Variants in DPP6 observed in about 807,000 individuals in gnomAD.
DPP6 encodes the protein dipeptidyl peptidase like 6.
A neutral mutation model predicts 122.6 loss-of-function variants in DPP6; 69 were observed. The ratio of observed to expected loss-of-function variants is 0.56; its 90% CI spans 0.46 to 0.69. The LOEUF (loss-of-function observed/expected upper bound fraction) is 0.69, where lower values mean the gene tolerates loss of function less well. Ranked by LOEUF, DPP6 falls within the 30% of genes least tolerant of loss-of-function variation. The probability of loss-of-function intolerance (pLI) is 0.00; values close to 1 mark genes in which losing one functional copy is unlikely to be tolerated. For synonymous variants in DPP6, 418 were observed against 433.1 expected (o/e 0.97, Z 0.43); for missense variants, 928 against 1,116.9 (o/e 0.83, Z 2.41).
At chr7:154,161,453 T>C (rs371761997) in intron 1 of DPP6, among the ~76,000 whole-genome samples, 3 of 151,780 alleles carry the variant, frequency 2.0e-5, no homozygotes, top group East Asian at 3.9e-4. Context: ...GCCGAGATCA[T>C]ACCATCGCAC....
chr7:154,630,589 A>G (rs1835346191), intron 5 of DPP6, among the ~76,000 whole-genome samples: 1 of 152,212 alleles, frequency 6.6e-6, no homozygotes, highest in Admixed American at 6.5e-5. Flanking sequence ...TTGGCTGCAT[A>G]AATGTCTATG....
chr7:154,020,947 G>A (rs1361329742), intron 1 of DPP6, among the ~76,000 whole-genome samples: 1 of 152,152 alleles, frequency 6.6e-6, no homozygotes, highest in Non-Finnish European at 1.5e-5. Context: ...AGGATACAAT[G>A]TGGAAAGAGC....
At chr7:154,376,240 A>C (rs1813121140) in intron 1 of DPP6, among the ~76,000 whole-genome samples, 1 of 152,222 alleles carries the variant, frequency 6.6e-6, no homozygotes, top group Non-Finnish European at 1.5e-5. Context: ...TAGCACCAAC[A>C]TGTGACCAGC....
chr7:153,950,758 G>A (rs952924831), intron 1 of DPP6, among the ~76,000 whole-genome samples: 3 of 152,178 alleles, frequency 2.0e-5, no homozygotes, highest in Non-Finnish European at 4.4e-5. Context: ...GGAGCAGAGG[G>A]CAGAGAAGAT....
intron 7 of DPP6, among the ~76,000 whole-genome samples, chr7:154,686,066 G>T (rs998452283): frequency 1.1e-4 from 16 of 149,804 alleles, no homozygotes; most frequent in African/African-American, 3.9e-4. Context: ...CTTTTAGATA[G>T]GGCTCACAAT....
intron 1 of DPP6, among the ~76,000 whole-genome samples, chr7:154,183,810 T>C (rs1798217376): frequency 6.6e-6 from 1 of 152,178 alleles, no homozygotes. Context: ...TCCAAAACCA[T>C]GTGTCCAATG....
At chr7:154,017,685 G>C (rs1371458616) in intron 1 of DPP6, among the ~76,000 whole-genome samples, 2 of 145,528 alleles carry the variant, frequency 1.4e-5, no homozygotes, top group African/African-American at 5.2e-5. Flanking sequence ...GGGTGACAGA[G>C]TGAGCCCTTG....
At chr7:153,798,648 C>T in the DPP6 span, among the ~76,000 whole-genome samples, 1 of 152,154 alleles carries the variant, frequency 6.6e-6, no homozygotes, top group Admixed American at 6.5e-5. Flanking sequence ...TATGGAGTGG[C>T]AGGTGATGGG....
upstream of DPP6, among the ~76,000 whole-genome samples, chr7:154,049,917 G>A (rs554450295): frequency 6.6e-6 from 1 of 152,236 alleles, no homozygotes; most frequent in South Asian, 2.1e-4. Context: ...TAGAAGCACC[G>A]CGTTCAGTGT....
Position 154,017,448 on chromosome 7 carries a change from C to T in DPP6, c.51+129714C>T, listed in dbSNP as rs545308745. On this transcript the variant is annotated intron_variant, in intron 1 of 25. Transcript: ENST00000404039. ...GGCATGGTGGCTCACACTTATAATC[C>T]CAGCACTTTGGGAGGCTGAGGATTG... 4.0e-5 allele frequency among the ~76,000 whole-genome samples: 6 copies of T among 151,816 alleles called. No individual in the cohort carries two copies. The South Asian group carries it at 1.2e-3, about 32-fold the overall frequency.
chr7:154,817,693 A>G (rs929821021), intron 16 of DPP6, among the ~76,000 whole-genome samples: 10 of 152,154 alleles, frequency 6.6e-5, no homozygotes, highest in Non-Finnish European at 1.5e-4. Context: ...GTGATTAATG[A>G]CATGAGCATC....
chr7:153,984,705 T>TC (rs1796756772), intron 1 of DPP6, among the ~76,000 whole-genome samples: 1 of 152,288 alleles, frequency 6.6e-6, no homozygotes, highest in South Asian at 2.1e-4. Context: ...CTTCATGAAT[T>TC]CCCCCATGAG....
At chr7:154,330,262 T>A (rs1563490581) in intron 1 of DPP6, among the ~76,000 whole-genome samples, 1 of 152,134 alleles carries the variant, frequency 6.6e-6, no homozygotes, top group Admixed American at 6.6e-5. Flanking sequence ...TCTAATTAAT[T>A]GAAATTGAGA....
the DPP6 span, among the ~76,000 whole-genome samples, chr7:153,763,377 G>A: frequency 6.0e-3 from 769 of 128,346 alleles, no homozygotes; most frequent in Middle Eastern, 8.2e-3. Context: ...GTACAAGTAA[G>A]AAAAAAAAAA....
chr7:154,828,164 G>T (rs950505125), intron 16 of DPP6, among the ~76,000 whole-genome samples: 5 of 152,152 alleles, frequency 3.3e-5, no homozygotes, highest in African/African-American at 1.2e-4. Flanking sequence ...TGTGGTTCTG[G>T]AGGAGAACGC....
intron 16 of DPP6, among the ~76,000 whole-genome samples, chr7:154,831,491 C>T (rs1185584448): frequency 6.6e-6 from 1 of 152,216 alleles, no homozygotes; most frequent in Non-Finnish European, 1.5e-5. Context: ...AGAAAACTTT[C>T]TGCACATCAT....
At chr7:154,817,908 C>A (rs1026647827) in intron 16 of DPP6, among the ~76,000 whole-genome samples, 6 of 151,998 alleles carry the variant, frequency 3.9e-5, no homozygotes, top group African/African-American at 1.4e-4. Context: ...GTGTGTCACC[C>A]ACAGTCATGG....
intron 6 of DPP6, among the ~76,000 whole-genome samples, chr7:154,649,283 A>G (rs903104141): frequency 1.3e-5 from 2 of 152,188 alleles, no homozygotes; most frequent in African/African-American, 4.8e-5. Flanking sequence ...TTCATTCAAC[A>G]TTTCATTGAT....
At chr7:154,646,041 A>G (rs888048895) in intron 6 of DPP6, among the ~76,000 whole-genome samples, 14 of 150,584 alleles carry the variant, frequency 9.3e-5, no homozygotes, top group African/African-American at 3.4e-4. Context: ...AAAAAAAAAA[A>G]AAAAGAAAAT....
Sources: gnomAD v4.1 joint callset for allele counts (sites outside exome capture counted in the v4.1 genomes callset) on GRCh38, gnomAD v4.1.1 for gene constraint, MANE v1.5 for transcripts, NCBI Gene and HGNC (gene_info 2026-07-23, HGNC 2026-07-21) for gene names.